The following CDH13 variants were observed in gnomAD, a reference collection of about 807,000 sequenced individuals.
CDH13 encodes cadherin-13.
Under a neutral mutation model 63.8 loss-of-function variants are expected in CDH13, and 24 were observed. The observed-to-expected ratio is 0.38, with a 90% CI of 0.27 to 0.53. The LOEUF (loss-of-function observed/expected upper bound fraction) is 0.53, where lower values mean the gene tolerates loss of function less well. Ranked by LOEUF, CDH13 falls within the 20% of genes least tolerant of loss-of-function variation. CDH13 has a pLI of 0.85. For missense variants in CDH13, 1,049 were observed against 903.1 expected, an observed-to-expected ratio of 1.16 and a Z score of -2.07; for synonymous variants, 503 against 355.3, an observed-to-expected ratio of 1.42 and a Z score of -4.67.
intron 4 of CDH13, among the ~76,000 whole-genome samples, chr16:83,141,299 A>G (rs2036519074): frequency 6.6e-6 from 1 of 152,006 alleles, no homozygotes; most frequent in South Asian, 2.1e-4. Context: ...TTTTGCCTAC[A>G]CCCAGTATTC....
chr16:83,796,324 G>C lies in CDH13; in HGVS notation c.*1294G>C, dbSNP rs1294392521. 2 of 152,192 alleles carry C rather than the reference G, an allele frequency of 1.3e-5. No individual in the cohort carries two copies. The highest frequency in any genetic ancestry group is 4.8e-5 in the African/African-American group (2 of 41,444). 9.4% of individuals were successfully genotyped at this position (152,192 alleles called of 1,614,324 possible). A position where few individuals can be genotyped will look rare whatever the true frequency, so the allele number is the denominator to read the frequency against. ...TAGAGCTCGCCACGAACTAGGGTAAGGTGAGTGTCTTAGCATATTTTAATG... is the reference window on the plus strand; with the variant it reads ...TAGAGCTCGCCACGAACTAGGGTAACGTGAGTGTCTTAGCATATTTTAATG... On this transcript the variant is annotated 3_prime_UTR_variant, in exon 14 of 14. Coordinates refer to ENST00000567109, the MANE Select transcript of CDH13 (RefSeq NM_001257.5).
intron 8 of CDH13, among the ~76,000 whole-genome samples, chr16:83,630,615 T>G (rs1447355107): frequency 1.3e-5 from 2 of 152,200 alleles, no homozygotes; most frequent in African/African-American, 2.4e-5. Flanking sequence ...CATTTTTACG[T>G]AAACAATCAG....
intron 1 of CDH13, among the ~76,000 whole-genome samples, chr16:82,838,342 G>C (rs1217530084): frequency 2.0e-5 from 3 of 152,156 alleles, no homozygotes; most frequent in Non-Finnish European, 4.4e-5. Flanking sequence ...GTTATCACTA[G>C]TGTCCACTAT....
rs143153557 is a variant in CDH13 at position 82,842,486 on chromosome 16, G to C, written c.46-15876G>C. On this transcript the variant is annotated intron_variant, in intron 1 of 13. Coordinates refer to ENST00000567109, the MANE Select transcript of CDH13 (RefSeq NM_001257.5). ...GCACAGGCAAAAATCAGCTAAATGG[G>C]AGTTGTCCAGAACAGTGCTTTCTCC... is the stretch of plus-strand genomic sequence containing the variant. Among the ~76,000 whole-genome samples, 868 of 152,036 alleles carry C rather than the reference G, an allele frequency of 5.7e-3. 10 individuals carry two copies. Among genetic ancestry groups the C allele is most frequent in the Middle Eastern group, 0.017 (5 of 294 alleles).
intron 7 of CDH13, among the ~76,000 whole-genome samples, chr16:83,513,953 T>G (rs1446629610): frequency 6.6e-6 from 1 of 152,138 alleles, no homozygotes; most frequent in Non-Finnish European, 1.5e-5. Context: ...GAGAGCAAAG[T>G]TTGCCTCATC....
intron 3 of CDH13, among the ~76,000 whole-genome samples, chr16:83,109,693 T>G (rs2034966470): frequency 6.6e-6 from 1 of 152,106 alleles, no homozygotes; most frequent in African/African-American, 2.4e-5. Context: ...ATATGTGTAT[T>G]AGAAAAACAA....
chr16:83,775,208 A>G (rs1449381024), intron 11 of CDH13, among the ~76,000 whole-genome samples: 1 of 151,768 alleles, frequency 6.6e-6, no homozygotes, highest in Non-Finnish European at 1.5e-5. Flanking sequence ...CATACCTACA[A>G]TGAATTGGCC....
chr16:83,173,326 G>A (rs565246389), intron 4 of CDH13, among the ~76,000 whole-genome samples: 2 of 152,078 alleles, frequency 1.3e-5, no homozygotes, highest in Non-Finnish European at 2.9e-5. Context: ...GAAGGTATTT[G>A]TTAAAGAGAA....
intron 7 of CDH13, among the ~76,000 whole-genome samples, chr16:83,520,954 C>T (rs186450998): frequency 1.8e-4 from 28 of 152,178 alleles, no homozygotes; most frequent in Non-Finnish European, 3.1e-4. Flanking sequence ...GGAAGTGCCT[C>T]TCCTCAGGTT....
In CDH13 at chr16:83,184,882, C is replaced by CGTGTGTGT. The variant is rs71272419; in HGVS notation, c.484-32445_484-32438dup. Among the ~76,000 whole-genome samples the CGTGTGTGT allele has an allele frequency of 9.8e-4, 142 of 145,410 alleles. 1 individual carries two copies. Among genetic ancestry groups the CGTGTGTGT allele is most frequent in the Non-Finnish European group, 1.4e-3 (94 of 65,838 alleles). Reference sequence around the variant, plus strand: ...CATTTAGTGTTTGTGATGTCTAAGCCGTGTGTGTGTGTGTGTGTGTGTGTG... The same window carrying CGTGTGTGT: ...CATTTAGTGTTTGTGATGTCTAAGCCGTGTGTGTGTGTGTGTGTGTGTGTGTGTGTGTG... On this transcript the variant is annotated intron_variant, in intron 4 of 13. Transcript: ENST00000567109.
chr16:83,269,287 G>A (rs1039305927), intron 5 of CDH13, among the ~76,000 whole-genome samples: 1 of 152,150 alleles, frequency 6.6e-6, no homozygotes, highest in African/African-American at 2.4e-5. Context: ...GAGACCTAAA[G>A]TGGGGGGCAG....
At chr16:83,385,597 C>G (rs764201387) in intron 6 of CDH13, among the ~76,000 whole-genome samples, 2 of 152,154 alleles carry the variant, frequency 1.3e-5, no homozygotes, top group Non-Finnish European at 2.9e-5. Flanking sequence ...CATGGGGTCT[C>G]TATGGTCACC....
At chr16:83,245,019 A>C (rs6565165) in intron 5 of CDH13, among the ~76,000 whole-genome samples, 1 of 151,902 alleles carries the variant, frequency 6.6e-6, no homozygotes, top group East Asian at 1.9e-4. Flanking sequence ...TCCCCAAATC[A>C]TCATTCCCAA....
chr16:82,645,726 C>T (rs1248029615), intron 1 of CDH13, among the ~76,000 whole-genome samples: 3 of 152,146 alleles, frequency 2.0e-5, no homozygotes, highest in Non-Finnish European at 4.4e-5. Flanking sequence ...TGAAAAGATA[C>T]CTCACAGCAA....
At chr16:83,426,907 CTTTTTTTTTTTTTTTTT>C (rs71148833) in intron 6 of CDH13, among the ~76,000 whole-genome samples, 1 of 63,182 alleles carries the variant, frequency 1.6e-5, no homozygotes, top group East Asian at 3.9e-4. Context: ...ATGTTTCTTT[CTTTTTTTTTTTTTTTTT>C]TTTTTTTTTT....
At chr16:83,189,024 A>G (rs538037256) in intron 4 of CDH13, among the ~76,000 whole-genome samples, 1 of 152,308 alleles carries the variant, frequency 6.6e-6, no homozygotes, top group Non-Finnish European at 1.5e-5. Flanking sequence ...TGCATTAGTA[A>G]TATGGGCATG....
At chr16:82,882,847 T>C (rs980438897) in intron 2 of CDH13, among the ~76,000 whole-genome samples, 1 of 152,178 alleles carries the variant, frequency 6.6e-6, no homozygotes, top group Non-Finnish European at 1.5e-5. Context: ...CCTATTCTCC[T>C]TCTTGGGATA....
intron 2 of CDH13, among the ~76,000 whole-genome samples, chr16:82,875,893 A>G (rs767654705): frequency 2.0e-5 from 3 of 152,204 alleles, no homozygotes; most frequent in Non-Finnish European, 2.9e-5. Context: ...GGCAATTTAC[A>G]AAAGAAAGGT....
intron 1 of CDH13, chr16:82,773,615 A>G (rs577690932): frequency 1.3e-5 from 2 of 152,078 alleles, no homozygotes; most frequent in Middle Eastern, 3.2e-3. Flanking sequence ...TCAATCTCCA[A>G]TTCATTTTAT....
Sources: gnomAD v4.1 joint callset for allele counts (sites outside exome capture counted in the v4.1 genomes callset) on GRCh38, gnomAD v4.1.1 for gene constraint, MANE v1.5 for transcripts, NCBI Gene and HGNC (gene_info 2026-07-23, HGNC 2026-07-21) for gene names.